SYNE1: variants seen among roughly 807,000 people sequenced by gnomAD.
SYNE1 encodes nesprin-1.
A neutral mutation model predicts 1,111.0 loss-of-function variants in SYNE1; 616 were observed. The observed-to-expected ratio is 0.55, with a 90% CI of 0.52 to 0.59. SYNE1 has a LOEUF of 0.59. Among genes scored for constraint, SYNE1 ranks in the 20% least tolerant of loss-of-function variants. The pLI is 0.00. For synonymous variants in SYNE1, 3,855 were observed against 3,825.8 expected (o/e 1.01, Z -0.28); for missense variants, 10,006 against 10,417.0 (o/e 0.96, Z 1.72).
intron 3 of SYNE1, among the ~76,000 whole-genome samples, chr6:152,574,162 G>GTA (rs1483937918): frequency 2.1e-5 from 3 of 145,430 alleles, no homozygotes; most frequent in Non-Finnish European, 3.0e-5. Flanking sequence ...ACATATATAT[G>GTA]TATATATATA....
chr6:152,135,304 C>T, intron 141 of SYNE1, 72 bp from the exon 142 acceptor site: 1 of 1,517,452 alleles, frequency 6.6e-7, no homozygotes, highest in Non-Finnish European at 9.0e-7. Context: ...TGTCTTTCAA[C>T]TGCCACCATT....
chr6:152,587,729 T>C (rs888693727), intron 3 of SYNE1, among the ~76,000 whole-genome samples: 4 of 152,198 alleles, frequency 2.6e-5, no homozygotes, highest in Non-Finnish European at 5.9e-5. Context: ...CTCTCTCTGA[T>C]GTGTAAGGTG....
intron 29 of SYNE1, among the ~76,000 whole-genome samples, chr6:152,446,977 G>A (rs1564085450): frequency 6.6e-6 from 1 of 152,068 alleles, no homozygotes; most frequent in African/African-American, 2.4e-5. Flanking sequence ...ATACATTACT[G>A]CATTTAATTC....
At chr6:152,317,007 AT>A in intron 86 of SYNE1, 21 bp from the exon 87 acceptor site, 1 of 1,613,054 alleles carries the variant, frequency 6.2e-7, no homozygotes, top group Non-Finnish European at 8.5e-7. Flanking sequence ...AGTAACATTA[AT>A]GTAACAAATG....
chr6:152,136,291 T>A (rs747146288), intron 141 of SYNE1, among the ~76,000 whole-genome samples: 1 of 152,156 alleles, frequency 6.6e-6, no homozygotes, highest in Non-Finnish European at 1.5e-5. Context: ...TCAAGAAGGG[T>A]CTGCCTACTT....
At chr6:152,543,312 A>T (rs1420520371) in intron 3 of SYNE1, among the ~76,000 whole-genome samples, 1 of 152,160 alleles carries the variant, frequency 6.6e-6, no homozygotes, top group Non-Finnish European at 1.5e-5. Context: ...GTATTATCAA[A>T]CGTAGTCAGC....
chr6:152,164,775 C>A (rs1258446298), intron 130 of SYNE1, among the ~76,000 whole-genome samples: 1 of 152,094 alleles, frequency 6.6e-6, no homozygotes, highest in East Asian at 1.9e-4. Context: ...TCTATTAGTG[C>A]CCTTATTTAA....
chr6:152,325,961 G>A lies in SYNE1; in HGVS notation c.15435C>T (p.His5145=), dbSNP rs747172162. ...SHEAEEKLSE[H]KALVSVVNSF... ...TTAAATGGCCCAAAACTCTGACCTTGTGTTCTGACAATTTTTCTTCCGCTT... is the reference window on the plus strand; with the variant it reads ...TTAAATGGCCCAAAACTCTGACCTTATGTTCTGACAATTTTTCTTCCGCTT... The change falls in exon 80 of 146, where the codon CAC becomes CAT. Residue 5145 remains histidine (H), a synonymous_variant. Coordinates refer to ENST00000367255, the MANE Select transcript of SYNE1 (RefSeq NM_182961.4). 5 of 1,614,134 alleles carry A rather than the reference G, an allele frequency of 3.1e-6. No individual in the cohort carries two copies. In the South Asian group the frequency reaches 3.3e-5, roughly 11 times the overall value.
rs1385389133 is a variant in SYNE1 at position 152,184,227 on chromosome 6, G to GGAGTTT, written c.23302-3939_23302-3934dup. Among the ~76,000 whole-genome samples, 3 of 152,248 alleles carry GGAGTTT rather than the reference G, an allele frequency of 2.0e-5. No homozygotes were observed. The East Asian group carries it at 5.8e-4, about 29-fold the overall frequency. ...GAAGCAGGTGGATCACTTGAGGTCA[G>GGAGTTT]GAGTTTGAGACCAGCCTGGCCAACA... On this transcript the variant is annotated intron_variant, in intron 128 of 145. Transcript: ENST00000367255.
chr6:152,253,817 GGTTTTTTTTTTTTTTTTTTTTTTTTT>G (rs1338170303), intron 104 of SYNE1, among the ~76,000 whole-genome samples: 40 of 59,156 alleles, frequency 6.8e-4, no homozygotes, highest in Admixed American at 1.0e-3. Context: ...GTAGTGGTTT[GGTTTTTTTTTTTTTTTTTTTTTTTTT>G]TTTTTTTTTT....
rs773019397 is a variant in SYNE1, at chr6:152,484,038, C to CAAAAAAAA, written c.1185+789_1186-790dup. On this transcript the variant is annotated intron_variant, in intron 13 of 145. Coordinates refer to ENST00000367255, the MANE Select transcript of SYNE1 (RefSeq NM_182961.4). ...GCAATATAGTGAGATCTCATCTCTA[C>CAAAAAAAA]AAAAAAAAAAAAAAAAAAAAAAAAT... is the stretch of plus-strand genomic sequence containing the variant. 4.2e-3 allele frequency among the ~76,000 whole-genome samples: 224 copies of CAAAAAAAA among 53,494 alleles called. 9 individuals are homozygous for CAAAAAAAA. Among genetic ancestry groups the CAAAAAAAA allele is most frequent in the African/African-American group, 0.012 (204 of 17,258 alleles). 35.1% of individuals were successfully genotyped at this position (53,494 alleles called of 152,430 possible). A position where few individuals can be genotyped will look rare whatever the true frequency, so the allele number is the denominator to read the frequency against.
At chr6:152,588,681 C>G (rs2128489776) in intron 3 of SYNE1, among the ~76,000 whole-genome samples, 1 of 152,314 alleles carries the variant, frequency 6.6e-6, no homozygotes, top group Non-Finnish European at 1.5e-5. Context: ...ACTGTCCAGG[C>G]TTCCTCGCTT....
chr6:152,272,445 G>A (rs1335060460), intron 98 of SYNE1, among the ~76,000 whole-genome samples: 1 of 152,216 alleles, frequency 6.6e-6, no homozygotes, highest in Non-Finnish European at 1.5e-5. Context: ...GATGAATGAG[G>A]ACTGGGCAGT....
At chr6:152,575,817 C>T (rs2099494166) in intron 3 of SYNE1, among the ~76,000 whole-genome samples, 1 of 152,228 alleles carries the variant, frequency 6.6e-6, no homozygotes, top group South Asian at 2.1e-4. Context: ...AAACACATAG[C>T]ACAGTGCCTG....
intron 3 of SYNE1, among the ~76,000 whole-genome samples, chr6:152,591,804 C>T (rs2099567777): frequency 1.3e-5 from 2 of 151,588 alleles, no homozygotes; most frequent in African/African-American, 4.8e-5. Context: ...GAACTTAAAT[C>T]AACAGCAAAA....
intron 58 of SYNE1, 65 bp from the exon 59 acceptor site, chr6:152,373,284 TC>T: frequency 2.7e-6 from 4 of 1,460,318 alleles, no homozygotes; most frequent in Non-Finnish European, 3.7e-6. Context: ...TTTTTTCTTT[TC>T]TTTTTTTTTT....
At chr6:152,177,806 A>G (rs1345641289) in intron 129 of SYNE1, among the ~76,000 whole-genome samples, 2 of 152,258 alleles carry the variant, frequency 1.3e-5, no homozygotes, top group Non-Finnish European at 2.9e-5. Flanking sequence ...AGTATTTATA[A>G]TAAAATAATC....
chr6:152,275,910 C>T (rs1043321169), intron 98 of SYNE1, among the ~76,000 whole-genome samples: 4 of 150,512 alleles, frequency 2.7e-5, no homozygotes, highest in Non-Finnish European at 4.4e-5. Flanking sequence ...AAAATCCACA[C>T]ACATATATGA....
Position 152,122,627 on chromosome 6 carries a change from G to T in SYNE1, c.26203C>A (p.Arg8735=). 6.2e-7 allele frequency: 1 copy of T among 1,614,116 alleles called. No homozygotes were observed. The highest frequency in any genetic ancestry group is 8.5e-7 in the Non-Finnish European group (1 of 1,180,000). ...DSSLSEPGPG[R]SGRGFLFRVL... ...CTGAACAGGAAGCCGCGGCCGGACC[G>T]ACCTGGCCCTGGCTCAGAAAGGGAG... The change falls in exon 146 of 146, where the codon CGG becomes AGG. Residue 8735 remains arginine, a synonymous_variant. Transcript: ENST00000367255.
Sources: allele counts gnomAD v4.1 joint callset (sites outside exome capture counted in the v4.1 genomes callset), GRCh38; gene constraint gnomAD v4.1.1; transcripts MANE v1.5; gene names NCBI Gene and HGNC (gene_info 2026-07-23, HGNC 2026-07-21).